The following INSR variants were observed in gnomAD, a reference collection of about 807,000 sequenced individuals.
The protein encoded by INSR is IR.
INSR carries 67 observed loss-of-function variants against 142.6 expected under a neutral mutation model. The observed-to-expected ratio is 0.47, with a 90% confidence interval of 0.39 to 0.58. The LOEUF is 0.58. Among genes scored for constraint, INSR ranks in the 20% least tolerant of loss-of-function variants. The pLI is 0.00. For synonymous variants in INSR, 756 were observed against 743.1 expected (o/e 1.02, Z -0.28); for missense variants, 1,248 against 1,833.2 (o/e 0.68, Z 5.83).
intron 2 of INSR, among the ~76,000 whole-genome samples, chr19:7,189,944 A>G (rs113964697): frequency 1.3e-5 from 2 of 152,186 alleles, no homozygotes; most frequent in South Asian, 2.1e-4. Flanking sequence ...GATTATAGGC[A>G]TGACCCACTA....
chr19:7,156,312 C>T (rs1973591286), intron 9 of INSR, among the ~76,000 whole-genome samples: 1 of 151,878 alleles, frequency 6.6e-6, no homozygotes, highest in Non-Finnish European at 1.5e-5. Context: ...CTGCCCACCT[C>T]GGCCTCCCAA....
intron 2 of INSR, among the ~76,000 whole-genome samples, chr19:7,218,472 T>C (rs1027534824): frequency 6.6e-6 from 1 of 152,150 alleles, no homozygotes; most frequent in Non-Finnish European, 1.5e-5. Context: ...CACACTGAAC[T>C]TCTTGCCTCT....
chr19:7,138,307 G>A (rs753567439), intron 13 of INSR, among the ~76,000 whole-genome samples: 2 of 152,062 alleles, frequency 1.3e-5, no homozygotes, highest in Non-Finnish European at 2.9e-5. Flanking sequence ...CAACACAAAC[G>A]AACTAAACTC....
chr19:7,258,968 CCTT>C (rs1299271500), intron 2 of INSR, among the ~76,000 whole-genome samples: 1 of 142,086 alleles, frequency 7.0e-6, no homozygotes, highest in Non-Finnish European at 1.6e-5. Flanking sequence ...TTCCCTCCTT[CCTT>C]TTTTTCTTTC....
chr19:7,191,890 GGA>G (rs60571993), intron 2 of INSR, among the ~76,000 whole-genome samples: 5 of 144,172 alleles, frequency 3.5e-5, no homozygotes, highest in African/African-American at 1.3e-4. Flanking sequence ...AAGGAGGAAG[GGA>G]GAGAGAGAAA....
chr19:7,126,620 C>G lies in INSR; in HGVS notation c.2977G>C (p.Ala993Pro). 6.4e-7 allele frequency: 1 copy of G among 1,565,876 alleles called. No individual in the cohort carries two copies. The change falls in exon 16 of 22, where the codon GCT becomes CCT. Residue 993 changes from alanine to proline, a missense_variant. By Grantham distance (27) the Ala-to-Pro change is conservative. Coordinates refer to ENST00000302850, the MANE Select transcript of INSR (RefSeq NM_000208.4). ...CTGAGATACTCAGGGTTTGAAGAAG[C>G]GTAAAGCGGTCCCAGCGGCCCATCT... ...QPDGPLGPLY[A>P]SSNPEYLSAS...
At chr19:7,197,416 G>A (rs1295757101) in intron 2 of INSR, among the ~76,000 whole-genome samples, 1 of 152,206 alleles carries the variant, frequency 6.6e-6, no homozygotes, top group African/African-American at 2.4e-5. Flanking sequence ...GATCTCTTAG[G>A]AGATATACTG....
At chr19:7,199,732 C>G (rs889986094) in intron 2 of INSR, among the ~76,000 whole-genome samples, 1 of 150,938 alleles carries the variant, frequency 6.6e-6, no homozygotes, top group African/African-American at 2.4e-5. Flanking sequence ...TTATGTTTAC[C>G]TGTTCCCTAC....
At position 7,166,397 on chromosome 19, in the gene INSR, G is replaced by A; in HGVS notation, c.1618C>T (p.Gln540Ter). ...TGCCCGTCGAACTCCGTCACATTCT[G>A]ATAAGGGCTTTCAAGACAAAACAGC... ...FMLFYKEAPY[Q>*]NVTEFDGQDA... is the part of the protein sequence containing the mutation. Residue 540 changes from glutamine (Q) to a stop codon, truncating the protein, a stop_gained, in exon 8 of 22, where the codon CAG (glutamine) becomes TAG (stop). Transcript: ENST00000302850. LOFTEE classifies it high-confidence loss of function. The surrounding 1 kb of genome is among the most constrained non-coding windows in gnomAD (Gnocchi z 4.1). 1 of 1,613,914 alleles carries A rather than the reference G, an allele frequency of 6.2e-7. No homozygotes were observed. Among genetic ancestry groups the A allele is most frequent in the Non-Finnish European group, 8.5e-7 (1 of 1,179,962 alleles).
intron 20 of INSR, 111 bp downstream of exon 20, chr19:7,120,509 T>TC: frequency 7.5e-7 from 1 of 1,328,140 alleles, no homozygotes; most frequent in Non-Finnish European, 1.1e-6. Context: ...TGCCTTCCTT[T>TC]CCTTGATGGG....
intron 2 of INSR, among the ~76,000 whole-genome samples, chr19:7,195,319 C>T (rs528415652): frequency 1.3e-5 from 2 of 152,170 alleles, no homozygotes; most frequent in African/African-American, 2.4e-5. Flanking sequence ...TGAGGTCATT[C>T]GATAAAATAA....
chr19:7,117,450 C>A (rs1230342692), intron 21 of INSR, 40 bp from the exon 22 acceptor site: 1 of 1,489,930 alleles, frequency 6.7e-7, no homozygotes, highest in Non-Finnish European at 9.3e-7. Flanking sequence ...AGTCTGGGGG[C>A]CCTGCCACGC....
At chr19:7,219,938 A>G (rs1481589428) in intron 2 of INSR, among the ~76,000 whole-genome samples, 1 of 151,740 alleles carries the variant, frequency 6.6e-6, no homozygotes, top group Admixed American at 6.6e-5. Context: ...TATCACTCCC[A>G]CTAAAGTCCC....
intron 1 of INSR, among the ~76,000 whole-genome samples, chr19:7,280,901 AAAAAAAG>A (rs911412808): frequency 3.9e-5 from 6 of 152,092 alleles, no homozygotes; most frequent in African/African-American, 1.2e-4. Context: ...CGATCTCCAA[AAAAAAAG>A]AAAAAAGAAA....
intron 1 of INSR, among the ~76,000 whole-genome samples, chr19:7,292,521 A>G (rs1968525038): frequency 6.6e-6 from 1 of 151,152 alleles, no homozygotes; most frequent in Non-Finnish European, 1.5e-5. Flanking sequence ...GACAGAGTCG[A>G]CTCAGCAAAC....
intron 3 of INSR, among the ~76,000 whole-genome samples, chr19:7,181,956 T>C (rs1277555214): frequency 6.6e-6 from 1 of 152,016 alleles, no homozygotes; most frequent in African/African-American, 2.4e-5. Context: ...GCCACCAGAA[T>C]GGAAGAAAAC....
chr19:7,217,131 C>A (rs1975460455), intron 2 of INSR, among the ~76,000 whole-genome samples: 1 of 151,938 alleles, frequency 6.6e-6, no homozygotes, highest in South Asian at 2.1e-4. Context: ...TCATGGCCTG[C>A]CTATTTTCTT....
At chr19:7,141,886 T>A (rs1973078204) in intron 12 of INSR, 70 bp from the exon 13 acceptor site, 3 of 1,278,952 alleles carry the variant, frequency 2.3e-6, no homozygotes, top group East Asian at 2.3e-5. Flanking sequence ...CACCTGTCCA[T>A]GGTGCAACCT....
intron 2 of INSR, among the ~76,000 whole-genome samples, chr19:7,227,306 T>G (rs1327267097): frequency 6.6e-6 from 1 of 151,480 alleles, no homozygotes; most frequent in East Asian, 1.9e-4. Context: ...AGGGTCTGGC[T>G]CTGTTGCCCA....
Sources: allele counts gnomAD v4.1 joint callset (sites outside exome capture counted in the v4.1 genomes callset), GRCh38; gene constraint gnomAD v4.1.1; non-coding constraint Gnocchi (gnomAD v3.1); transcripts MANE v1.5; gene names NCBI Gene and HGNC (gene_info 2026-07-23, HGNC 2026-07-21).